Variants in PATJ observed in about 807,000 individuals in gnomAD.
PATJ encodes the protein inaD-like protein.
In PATJ, 190 loss-of-function variants were observed where a neutral mutation model predicts 224.9. That is an observed-to-expected ratio of 0.84 (90% CI 0.75 to 0.95). The LOEUF (loss-of-function observed/expected upper bound fraction) is 0.95, where lower values mean the gene tolerates loss of function less well. Among genes scored for constraint, PATJ ranks in the 40% least tolerant of loss-of-function variants. The pLI is 0.00. For missense variants in PATJ, 2,121 were observed against 2,270.3 expected (o/e 0.93, Z 1.34); for synonymous variants, 769 against 820.3 (o/e 0.94, Z 1.07).
At chr1:61,821,747 G>GT (rs1388667881) in intron 14 of PATJ, among the ~76,000 whole-genome samples, 1 of 152,070 alleles carries the variant, frequency 6.6e-6, no homozygotes, top group East Asian at 1.9e-4. Context: ...TGTTTTTTAG[G>GT]TATCAGACTA....
At chr1:62,056,937 G>C (rs1352619894) in intron 31 of PATJ, among the ~76,000 whole-genome samples, 1 of 152,034 alleles carries the variant, frequency 6.6e-6, no homozygotes, top group Non-Finnish European at 1.5e-5. Flanking sequence ...AGCAGTTCTC[G>C]TTCCTTAGCC....
chr1:61,919,399 C>T (rs1673947263), intron 26 of PATJ, among the ~76,000 whole-genome samples: 1 of 151,592 alleles, frequency 6.6e-6, no homozygotes, highest in Admixed American at 6.6e-5. Flanking sequence ...TGCAACCTCA[C>T]TGCCAGTAGT....
intron 27 of PATJ, among the ~76,000 whole-genome samples, chr1:61,955,283 G>GAGGAGAAA (rs2149400636): frequency 6.6e-6 from 1 of 152,304 alleles, no homozygotes; most frequent in East Asian, 1.9e-4. Context: ...CTAAGGTTAA[G>GAGGAGAAA]AGGAGAAATA....
chr1:62,115,203 G>A (rs1400627225), intron 35 of PATJ, among the ~76,000 whole-genome samples: 3 of 152,136 alleles, frequency 2.0e-5, no homozygotes, highest in African/African-American at 7.2e-5. Context: ...CCAGCTACTT[G>A]GGAGACTGAG....
chr1:62,101,012 A>G (rs1029333721), intron 33 of PATJ, among the ~76,000 whole-genome samples: 3 of 152,046 alleles, frequency 2.0e-5, no homozygotes, highest in Non-Finnish European at 4.4e-5. Context: ...AGAAAGCATA[A>G]CCCTCAAGCA....
At chr1:62,078,825 G>A (rs1447571431) in intron 31 of PATJ, 3 of 150,528 alleles carry the variant, frequency 2.0e-5, no homozygotes, top group South Asian at 2.1e-4. Context: ...ACTGGGTATC[G>A]TAGGTGCCTG....
chr1:61,975,524 T>C (rs1274147160), intron 27 of PATJ, among the ~76,000 whole-genome samples: 3 of 152,014 alleles, frequency 2.0e-5, no homozygotes, highest in East Asian at 3.9e-4. Flanking sequence ...GAGTTCTTTT[T>C]AATCTCTTCC....
intron 27 of PATJ, 29 bp downstream of exon 27, chr1:61,927,858 A>C (rs1201127193): frequency 3.6e-6 from 5 of 1,403,630 alleles, no homozygotes; most frequent in Non-Finnish European, 5.0e-6. Flanking sequence ...TTTAGGGTAG[A>C]TGCAGAACTT....
intron 16 of PATJ, among the ~76,000 whole-genome samples, chr1:61,827,906 T>C (rs1239496693): frequency 6.6e-6 from 1 of 152,192 alleles, no homozygotes; most frequent in African/African-American, 2.4e-5. Context: ...TTAAGGTGTT[T>C]GCGAGTGTTG....
chr1:62,058,568 A>G (rs1654912473), intron 31 of PATJ, among the ~76,000 whole-genome samples: 1 of 152,186 alleles, frequency 6.6e-6, no homozygotes, highest in Admixed American at 6.5e-5. Context: ...TTCTTCATCC[A>G]AAAATTAGAG....
intron 1 of PATJ, among the ~76,000 whole-genome samples, chr1:61,751,322 G>C (rs1056917836): frequency 6.6e-6 from 1 of 152,030 alleles, no homozygotes; most frequent in South Asian, 2.1e-4. Flanking sequence ...CATAATTTCT[G>C]GGGAGAAGCT....
intron 20 of PATJ, among the ~76,000 whole-genome samples, chr1:61,866,042 A>G (rs1386686032): frequency 1.3e-5 from 2 of 152,224 alleles, no homozygotes; most frequent in Non-Finnish European, 2.9e-5. Context: ...GAATATGTGA[A>G]TGATGCCTGG....
chr1:61,803,404 A>G (rs943844404), intron 12 of PATJ, among the ~76,000 whole-genome samples: 1 of 152,158 alleles, frequency 6.6e-6, no homozygotes, highest in Admixed American at 6.5e-5. Flanking sequence ...TTACTTCTTG[A>G]TACTTAAGAC....
At chr1:62,152,230 C>T (rs895732593) in intron 42 of PATJ, among the ~76,000 whole-genome samples, 3 of 152,130 alleles carry the variant, frequency 2.0e-5, no homozygotes, top group African/African-American at 7.2e-5. Context: ...AATTTGGACT[C>T]AATGTAGGGG....
intron 27 of PATJ, among the ~76,000 whole-genome samples, chr1:61,932,105 G>T (rs1676119635): frequency 6.6e-6 from 1 of 152,126 alleles, no homozygotes; most frequent in South Asian, 2.1e-4. Flanking sequence ...TCAAACTTCA[G>T]TGTGCCTCAG....
intron 30 of PATJ, among the ~76,000 whole-genome samples, chr1:62,048,545 CAAA>C (rs773157635): frequency 0.02 from 1,314 of 66,092 alleles, 9 homozygotes; most frequent in Middle Eastern, 0.12. Context: ...GACTCTGTCT[CAAA>C]AAAAAAAAAA....
At chr1:61,921,719 A>T (rs1300271611) in intron 26 of PATJ, among the ~76,000 whole-genome samples, 1 of 152,196 alleles carries the variant, frequency 6.6e-6, no homozygotes, top group African/African-American at 2.4e-5. Flanking sequence ...ATTTGTAAAA[A>T]AGTCTAGAAA....
intron 37 of PATJ, among the ~76,000 whole-genome samples, chr1:62,119,618 G>T (rs1234101814): frequency 6.6e-6 from 1 of 152,074 alleles, no homozygotes; most frequent in African/African-American, 2.4e-5. Context: ...AGCCAACTAA[G>T]GGAACACAGT....
intron 6 of PATJ, among the ~76,000 whole-genome samples, chr1:61,773,928 G>C (rs1646767024): frequency 1.3e-5 from 2 of 151,906 alleles, no homozygotes. Flanking sequence ...AGATCATCCT[G>C]GCTAACACGG....
Sources: gnomAD v4.1 joint callset for allele counts (sites outside exome capture counted in the v4.1 genomes callset) on GRCh38, gnomAD v4.1.1 for gene constraint, MANE v1.5 for transcripts, NCBI Gene and HGNC (gene_info 2026-07-23, HGNC 2026-07-21) for gene names.